Variants in ZMAT4 observed in about 807,000 individuals in gnomAD.
ZMAT4 encodes the protein zinc finger matrin-type 4.
Under a neutral mutation model 28.7 loss-of-function variants are expected in ZMAT4, and 17 were observed. The ratio of observed to expected loss-of-function variants is 0.59; its 90% confidence interval spans 0.41 to 0.89. The LOEUF (loss-of-function observed/expected upper bound fraction) is 0.89, where lower values mean the gene tolerates loss of function less well. Among genes scored for constraint, ZMAT4 ranks in the 40% least tolerant of loss-of-function variants. ZMAT4 has a pLI of 0.00. For synonymous variants in ZMAT4, 117 were observed against 109.2 expected (o/e 1.07, Z -0.44); for missense variants, 240 against 283.8 (o/e 0.85, Z 1.11).
intron 3 of ZMAT4, among the ~76,000 whole-genome samples, chr8:40,760,315 T>C (rs933284315): frequency 2.6e-5 from 4 of 152,174 alleles, no homozygotes; most frequent in Non-Finnish European, 5.9e-5. Flanking sequence ...TAAGTGCTGA[T>C]TTTTTTCTTT....
chr8:40,822,090 G>A (rs533642082), intron 2 of ZMAT4, among the ~76,000 whole-genome samples: 1 of 152,314 alleles, frequency 6.6e-6, no homozygotes, highest in South Asian at 2.1e-4. Context: ...GTGGGCAAAA[G>A]AACTAACACT....
chr8:40,717,954 A>G (rs1485848741), intron 3 of ZMAT4, among the ~76,000 whole-genome samples: 2 of 152,166 alleles, frequency 1.3e-5, no homozygotes, highest in African/African-American at 2.4e-5. Context: ...TGATACATTC[A>G]TCAAAACTGA....
intron 3 of ZMAT4, among the ~76,000 whole-genome samples, chr8:40,713,602 G>T (rs1810716379): frequency 6.6e-6 from 1 of 152,108 alleles, no homozygotes; most frequent in South Asian, 2.1e-4. Flanking sequence ...AACTAAAAAT[G>T]GATAAAAAGA....
At chr8:40,727,026 T>C (rs1407263741) in intron 3 of ZMAT4, among the ~76,000 whole-genome samples, 5 of 152,126 alleles carry the variant, frequency 3.3e-5, no homozygotes, top group Admixed American at 2.6e-4. Flanking sequence ...GAAGGATACT[T>C]TCAAGTACAA....
chr8:40,625,281 G>A (rs533660173), intron 5 of ZMAT4, among the ~76,000 whole-genome samples: 1 of 151,986 alleles, frequency 6.6e-6, no homozygotes, highest in South Asian at 2.1e-4. Flanking sequence ...GATAGTGTGA[G>A]TCTTACACAC....
intron 5 of ZMAT4, among the ~76,000 whole-genome samples, chr8:40,605,866 C>T (rs951696720): frequency 2.6e-5 from 4 of 151,980 alleles, no homozygotes; most frequent in African/African-American, 7.2e-5. Context: ...GCATATATAG[C>T]ATACATATTA....
chr8:40,663,017 A>G (rs941293587), intron 5 of ZMAT4, among the ~76,000 whole-genome samples: 1 of 152,064 alleles, frequency 6.6e-6, no homozygotes, highest in Non-Finnish European at 1.5e-5. Context: ...CACATCCTCT[A>G]CTGACAAGTA....
intron 1 of ZMAT4, among the ~76,000 whole-genome samples, chr8:40,871,738 G>A (rs1817865573): frequency 6.6e-6 from 1 of 152,182 alleles, no homozygotes; most frequent in South Asian, 2.1e-4. Flanking sequence ...TTCATTGACA[G>A]CATGCACAAT....
chr8:40,760,881 C>T (rs7004510), intron 3 of ZMAT4, among the ~76,000 whole-genome samples: 59,526 of 151,918 alleles, frequency 0.39, 12,237 homozygotes, highest in East Asian at 0.67. Context: ...GAATTGACAG[C>T]TATGGTCAGC....
At chr8:40,548,650 G>A (rs1803273404) in intron 6 of ZMAT4, among the ~76,000 whole-genome samples, 1 of 152,180 alleles carries the variant, frequency 6.6e-6, no homozygotes, top group African/African-American at 2.4e-5. Context: ...GAGGTCCAGA[G>A]ATAAGGGGGT....
intron 6 of ZMAT4, among the ~76,000 whole-genome samples, chr8:40,555,345 T>A (rs1585678148): frequency 6.6e-6 from 1 of 152,204 alleles, no homozygotes; most frequent in African/African-American, 2.4e-5. Flanking sequence ...TAGTGAGATT[T>A]CTAGATCATA....
At chr8:40,851,503 T>C (rs1453522272) in intron 1 of ZMAT4, among the ~76,000 whole-genome samples, 1 of 152,232 alleles carries the variant, frequency 6.6e-6, no homozygotes, top group Non-Finnish European at 1.5e-5. Context: ...TTTTCACAAG[T>C]GTACCATAGT....
intron 6 of ZMAT4, among the ~76,000 whole-genome samples, chr8:40,539,353 T>G (rs1038625252): frequency 5.9e-5 from 9 of 152,338 alleles, no homozygotes; most frequent in African/African-American, 2.2e-4. Flanking sequence ...TCTCCTTGAC[T>G]GTCCTATCCT....
In ZMAT4 at chr8:40,601,401, AAAGAAAGGAAGGAAGGAAGG is replaced by A. The variant is rs1449590103; in HGVS notation, c.578-20160_578-20141del. Among the ~76,000 whole-genome samples the A allele has an allele frequency of 2.6e-3, 81 of 31,586 alleles. 9 individuals are homozygous for A. The highest frequency in any genetic ancestry group is 5.7e-3 in the African/African-American group (55 of 9,710). 20.7% of individuals were successfully genotyped at this position (31,586 alleles called of 152,430 possible). The stretch of plus-strand genomic sequence containing the variant: ...CAAAAGAAGGAAGGAAGGAAGGAGG[AAAGAAAGGAAGGAAGGAAGG>A]AAGGAAGGAAGGAAGGAAGGAAGGA... On this transcript the variant is annotated intron_variant, in intron 5 of 6. Coordinates refer to ENST00000297737, the MANE Select transcript of ZMAT4 (RefSeq NM_024645.3).
intron 2 of ZMAT4, among the ~76,000 whole-genome samples, chr8:40,823,290 A>G (rs977789759): frequency 6.6e-6 from 1 of 152,184 alleles, no homozygotes; most frequent in African/African-American, 2.4e-5. Flanking sequence ...AAGAACATAA[A>G]GTACTAATGG....
At chr8:40,767,583 A>G in intron 3 of ZMAT4, 58 bp downstream of exon 3, 4 of 1,459,594 alleles carry the variant, frequency 2.7e-6, no homozygotes, top group Non-Finnish European at 3.7e-6. Flanking sequence ...TACACCTGCA[A>G]AGTTCTCAGT....
Position 40,845,123 on chromosome 8 carries a change from C to T in ZMAT4, c.-4-19443G>A, listed in dbSNP as rs946456408. On this transcript the variant is annotated intron_variant, in intron 1 of 6. Transcript: ENST00000297737. ...AGTCTCTGGGTAGAATATCAATCAC[C>T]AATAAATATCGCATCTACAGCTCTT... is the stretch of plus-strand genomic sequence containing the variant. Among the ~76,000 whole-genome samples, 11 of 152,274 alleles carry T rather than the reference C, an allele frequency of 7.2e-5. No homozygotes were observed. The East Asian group carries it at 2.1e-3, about 29-fold the overall frequency.
intron 5 of ZMAT4, among the ~76,000 whole-genome samples, chr8:40,602,236 T>A (rs981381768): frequency 6.6e-6 from 1 of 152,226 alleles, no homozygotes; most frequent in Admixed American, 6.5e-5. Context: ...TGTGTATACA[T>A]ATATATCACG....
At chr8:40,718,044 T>C (rs566011976) in intron 3 of ZMAT4, among the ~76,000 whole-genome samples, 20 of 152,346 alleles carry the variant, frequency 1.3e-4, no homozygotes, top group Admixed American at 4.6e-4. Flanking sequence ...TCATGTTCTT[T>C]TTCTGTTTCA....
Sources: allele counts gnomAD v4.1 joint callset (sites outside exome capture counted in the v4.1 genomes callset), GRCh38; gene constraint gnomAD v4.1.1; transcripts MANE v1.5; gene names NCBI Gene and HGNC (gene_info 2026-07-23, HGNC 2026-07-21).